The following XPR1 variants were observed in gnomAD, a reference collection of about 807,000 sequenced individuals.
The protein encoded by XPR1 is solute carrier family 53 member 1.
In XPR1, 28 loss-of-function variants were observed where a neutral mutation model predicts 87.5. The observed-to-expected ratio is 0.32, with a 90% CI of 0.24 to 0.44. The LOEUF is 0.44. Among genes scored for constraint, XPR1 ranks in the 20% least tolerant of loss-of-function variants. The pLI is 1.00. For missense variants in XPR1, 559 were observed against 862.3 expected, an observed-to-expected ratio of 0.65 and a Z score of 4.41; for synonymous variants, 300 against 306.1, an observed-to-expected ratio of 0.98 and a Z score of 0.21.
chr1:180,635,310 G>A (rs1440198910), intron 1 of XPR1, among the ~76,000 whole-genome samples: 2 of 152,038 alleles, frequency 1.3e-5, no homozygotes, highest in African/African-American at 2.4e-5. Context: ...ATAGAACACC[G>A]GTAAATCTTT....
chr1:180,831,362 CTTTTT>C (rs753235095), intron 9 of XPR1, among the ~76,000 whole-genome samples: 2 of 115,484 alleles, frequency 1.7e-5, no homozygotes, highest in Non-Finnish European at 3.7e-5. Flanking sequence ...TTTTCTTTTT[CTTTTT>C]TTTTTTTTTT....
At chr1:180,736,331 G>A (rs1039352539) in intron 2 of XPR1, among the ~76,000 whole-genome samples, 5 of 152,172 alleles carry the variant, frequency 3.3e-5, no homozygotes, top group African/African-American at 1.2e-4. Flanking sequence ...CAGGAACCTG[G>A]CTTGGCTCTT....
chr1:180,815,844 T>C (rs2102137889), intron 7 of XPR1, among the ~76,000 whole-genome samples: 1 of 152,248 alleles, frequency 6.6e-6, no homozygotes, highest in East Asian at 1.9e-4. Context: ...TGGAGGATAA[T>C]TTGGCAGTGT....
At chr1:180,644,531 T>C (rs1655052437) in intron 1 of XPR1, among the ~76,000 whole-genome samples, 1 of 152,138 alleles carries the variant, frequency 6.6e-6, no homozygotes, top group East Asian at 1.9e-4. Context: ...TCCAACAGAC[T>C]AATTTGAATT....
At chr1:180,711,609 G>C (rs1003569016) in intron 2 of XPR1, among the ~76,000 whole-genome samples, 1 of 151,934 alleles carries the variant, frequency 6.6e-6, no homozygotes, top group Non-Finnish European at 1.5e-5. Flanking sequence ...CCGTGGGGAG[G>C]GGGAGAGGGA....
chr1:180,754,653 G>C (rs1430623355), intron 2 of XPR1, among the ~76,000 whole-genome samples: 1 of 151,920 alleles, frequency 6.6e-6, no homozygotes, highest in South Asian at 2.1e-4. Context: ...GTAGAGACAG[G>C]GTTTCGCCAT....
At chr1:180,881,169 A>AT (rs36070137) in intron 14 of XPR1, among the ~76,000 whole-genome samples, 2,000 of 147,924 alleles carry the variant, frequency 0.014, 43 homozygotes, top group African/African-American at 0.042. Flanking sequence ...GTCACAGATA[A>AT]TTTTTTTTTT....
chr1:180,831,759 G>A (rs745760927), intron 9 of XPR1, among the ~76,000 whole-genome samples: 1 of 152,056 alleles, frequency 6.6e-6, no homozygotes, highest in Non-Finnish European at 1.5e-5. Context: ...GTATTCCATG[G>A]TGTATATGTG....
intron 3 of XPR1, among the ~76,000 whole-genome samples, chr1:180,792,922 A>G (rs1170119408): frequency 6.6e-6 from 1 of 152,090 alleles, no homozygotes; most frequent in Non-Finnish European, 1.5e-5. Flanking sequence ...AAGTCAGAAT[A>G]TATGTGTTGC....
In XPR1 at chr1:180,688,009, A is replaced by T. The variant is rs528610275; in HGVS notation, c.121+5598A>T. Reference sequence around the variant, plus strand: ...TTGGAAATATGTGACTGAGATGTTGACTTAGAATTCTGTGTTACAGATTAT... The same window carrying T: ...TTGGAAATATGTGACTGAGATGTTGTCTTAGAATTCTGTGTTACAGATTAT... On this transcript the variant is annotated intron_variant, in intron 2 of 14. Transcript: ENST00000367590. Among the ~76,000 whole-genome samples, 6 of 149,996 alleles carry T rather than the reference A, an allele frequency of 4.0e-5. 1 individual carries two copies. The South Asian group carries it at 1.3e-3, about 32-fold the overall frequency.
intron 11 of XPR1, among the ~76,000 whole-genome samples, chr1:180,844,786 G>A (rs1052427583): frequency 6.6e-6 from 1 of 152,164 alleles, no homozygotes; most frequent in Non-Finnish European, 1.5e-5. Flanking sequence ...TGAAAGAGCA[G>A]CCACTTAGCC....
intron 2 of XPR1, 50 bp downstream of exon 2, chr1:180,682,461 G>C: frequency 6.6e-7 from 1 of 1,515,380 alleles, no homozygotes; most frequent in South Asian, 1.3e-5. Context: ...TCTTTTTAAG[G>C]AAAGATATTT....
chr1:180,730,614 C>T (rs1040937239), intron 2 of XPR1, among the ~76,000 whole-genome samples: 6 of 152,244 alleles, frequency 3.9e-5, no homozygotes, highest in South Asian at 2.1e-4. Context: ...CTTGCATTTG[C>T]GTATTAAGCC....
rs145723091 is a variant in XPR1, at chr1:180,751,551, A to G, written c.122-36202A>G. The stretch of plus-strand genomic sequence containing the variant: ...ACTACTGTTTAAAAACTTAAGGCAA[A>G]TATTTTAGCAAGATATTTTACAGTA... On this transcript the variant is annotated intron_variant, in intron 2 of 14. Coordinates refer to ENST00000367590, the MANE Select transcript of XPR1 (RefSeq NM_004736.4). Among the ~76,000 whole-genome samples, 247 of 152,248 alleles carry G rather than the reference A, an allele frequency of 1.6e-3. 1 individual carries two copies. The highest frequency in any genetic ancestry group is 5.6e-3 in the African/African-American group (233 of 41,584).
chr1:180,643,301 T>G (rs1476728957), intron 1 of XPR1, among the ~76,000 whole-genome samples: 1 of 152,230 alleles, frequency 6.6e-6, no homozygotes, highest in Non-Finnish European at 1.5e-5. Flanking sequence ...TTTCACATTT[T>G]AACATCTGAA....
At chr1:180,793,263 C>T (rs1426402394) in intron 3 of XPR1, among the ~76,000 whole-genome samples, 3 of 152,106 alleles carry the variant, frequency 2.0e-5, no homozygotes, top group East Asian at 3.9e-4. Flanking sequence ...CCTGTTATTC[C>T]TGTAATCCTG....
At chr1:180,643,271 CAATCTT>C (rs1366970091) in intron 1 of XPR1, among the ~76,000 whole-genome samples, 3 of 152,090 alleles carry the variant, frequency 2.0e-5, no homozygotes, top group African/African-American at 4.8e-5. Context: ...CTTATTTAGT[CAATCTT>C]AATATGTGCT....
intron 2 of XPR1, among the ~76,000 whole-genome samples, chr1:180,683,937 C>G (rs1380600637): frequency 6.6e-6 from 1 of 152,020 alleles, no homozygotes; most frequent in East Asian, 1.9e-4. Flanking sequence ...ATGGTAGTTT[C>G]TTTTGCTGTG....
At chr1:180,874,179 G>A (rs1460769346) in intron 13 of XPR1, 3 of 426,734 alleles carry the variant, frequency 7.0e-6, no homozygotes, top group African/African-American at 2.0e-5. Context: ...ACAGGCGTGA[G>A]CTACTGTGCC....
Sources: allele counts gnomAD v4.1 joint callset (sites outside exome capture counted in the v4.1 genomes callset), GRCh38; gene constraint gnomAD v4.1.1; transcripts MANE v1.5; gene names NCBI Gene and HGNC (gene_info 2026-07-23, HGNC 2026-07-21).